Variants in SEMA3A observed in about 807,000 individuals in gnomAD.
The protein encoded by SEMA3A is semaphorin 3A, also known as semaphorin-3A.
A neutral mutation model predicts 97.9 loss-of-function variants in SEMA3A; 29 were observed. That is an observed-to-expected ratio of 0.30 (90% CI 0.22 to 0.40). The LOEUF (loss-of-function observed/expected upper bound fraction) is 0.40, where lower values mean the gene tolerates loss of function less well. Ranked by LOEUF, SEMA3A falls within the 10% of genes least tolerant of loss-of-function variation. The probability of loss-of-function intolerance (pLI) is 1.00; values close to 1 mark genes in which losing one functional copy is unlikely to be tolerated. For synonymous variants in SEMA3A, 321 were observed against 323.7 expected (o/e 0.99, Z 0.09); for missense variants, 763 against 951.3 (o/e 0.80, Z 2.60).
intron 1 of SEMA3A, among the ~76,000 whole-genome samples, chr7:84,150,549 G>T (rs1026881187): frequency 3.3e-5 from 5 of 152,074 alleles, no homozygotes; most frequent in Admixed American, 2.0e-4. Context: ...AAAAAACGGC[G>T]CATCACGAGA....
intron 1 of SEMA3A, among the ~76,000 whole-genome samples, chr7:84,424,278 T>C (rs1386537737): frequency 6.8e-6 from 1 of 146,700 alleles, no homozygotes; most frequent in Non-Finnish European, 1.5e-5. Flanking sequence ...AAAGAAAATG[T>C]TAAATATATA....
chr7:84,186,534 T>C (rs1332326858), intron 1 of SEMA3A, among the ~76,000 whole-genome samples: 1 of 152,152 alleles, frequency 6.6e-6, no homozygotes, highest in African/African-American at 2.4e-5. Context: ...ATTATGAAGA[T>C]TCATAAGCAC....
At chr7:84,099,527 T>C (rs1243264826) in intron 4 of SEMA3A, among the ~76,000 whole-genome samples, 4 of 152,166 alleles carry the variant, frequency 2.6e-5, no homozygotes, top group Non-Finnish European at 5.9e-5. Context: ...GCTTAATGTT[T>C]TATGCACAAC....
intron 2 of SEMA3A, among the ~76,000 whole-genome samples, chr7:84,327,320 A>G (rs1305057403): frequency 1.3e-5 from 2 of 151,794 alleles, no homozygotes; most frequent in Non-Finnish European, 2.9e-5. Flanking sequence ...TCATTGGAAT[A>G]ATCAGGGGGC....
At chr7:84,472,050 A>G (rs567816121) in intron 1 of SEMA3A, among the ~76,000 whole-genome samples, 2 of 152,188 alleles carry the variant, frequency 1.3e-5, no homozygotes, top group South Asian at 4.1e-4. Context: ...AATAAATAGT[A>G]CATATCTCTG....
chr7:84,222,815 G>A (rs997250154), intron 3 of SEMA3A, among the ~76,000 whole-genome samples: 1 of 151,850 alleles, frequency 6.6e-6, no homozygotes, highest in South Asian at 2.1e-4. Context: ...AAGGGCAACG[G>A]TTCTCAAATT....
chr7:84,378,015 A>C, intron 1 of SEMA3A, among the ~76,000 whole-genome samples: 1 of 152,036 alleles, frequency 6.6e-6, no homozygotes, highest in Non-Finnish European at 1.5e-5. Flanking sequence ...TCATCTGATC[A>C]CCTATCTCAA....
Position 84,150,273 on chromosome 7 carries a change from C to T in SEMA3A, c.113-15322G>A, listed in dbSNP as rs559708561. Reference sequence around the variant, plus strand: ...GAACAGGAACAGCTCCAGTCTACAGCTCCCAGCGTGAGCGACGCAGAAGAC... The same window carrying T: ...GAACAGGAACAGCTCCAGTCTACAGTTCCCAGCGTGAGCGACGCAGAAGAC... On this transcript the variant is annotated intron_variant, in intron 1 of 16. Coordinates refer to ENST00000265362, the MANE Select transcript of SEMA3A (RefSeq NM_006080.3). Among the ~76,000 whole-genome samples the T allele has an allele frequency of 3.3e-5, 5 of 152,332 alleles. No homozygotes were observed. In the South Asian group the frequency reaches 1.0e-3, roughly 32 times the overall value.
chr7:84,411,567 T>TTATA (rs60469024), intron 1 of SEMA3A, among the ~76,000 whole-genome samples: 20,290 of 149,092 alleles, frequency 0.14, 1,488 homozygotes, highest in African/African-American at 0.18. Flanking sequence ...TTGGGTATAA[T>TTATA]TATATATATA....
At chr7:84,187,204 T>G (rs1329646464) in intron 1 of SEMA3A, among the ~76,000 whole-genome samples, 1 of 152,164 alleles carries the variant, frequency 6.6e-6, no homozygotes, top group Non-Finnish European at 1.5e-5. Context: ...CCAATTGAAA[T>G]TACTCAAGGA....
At chr7:84,402,042 T>C (rs1420926531) in intron 1 of SEMA3A, among the ~76,000 whole-genome samples, 2 of 152,008 alleles carry the variant, frequency 1.3e-5, no homozygotes, top group African/African-American at 2.4e-5. Flanking sequence ...AAGGAAACAA[T>C]GAAGAAAGTG....
At chr7:84,441,107 G>A (rs1175944647) in intron 1 of SEMA3A, among the ~76,000 whole-genome samples, 1 of 151,894 alleles carries the variant, frequency 6.6e-6, no homozygotes. Context: ...GTGGTGAGCC[G>A]AGATTGCACT....
In SEMA3A at chr7:84,182,583, C is replaced by A. The variant is rs1437427452; in HGVS notation, c.112+11892G>T. Among the ~76,000 whole-genome samples, 5 of 151,650 alleles carry A rather than the reference C, an allele frequency of 3.3e-5. No homozygotes were observed. In the East Asian group the frequency reaches 9.7e-4, roughly 29 times the overall value. On this transcript the variant is annotated intron_variant, in intron 1 of 16. Transcript: ENST00000265362. ...ACTCAGATCCAGAAGAACTAATAAT[C>A]AGGTCTCCTTTCATCCTCACATTAA...
At chr7:84,141,746 C>A (rs1229883823) in intron 1 of SEMA3A, among the ~76,000 whole-genome samples, 1 of 152,042 alleles carries the variant, frequency 6.6e-6, no homozygotes, top group East Asian at 1.9e-4. Context: ...TCCATGTGTT[C>A]TCATCATTTA....
At chr7:84,402,348 G>T (rs970996990) in intron 1 of SEMA3A, among the ~76,000 whole-genome samples, 1 of 152,130 alleles carries the variant, frequency 6.6e-6, no homozygotes, top group Non-Finnish European at 1.5e-5. Context: ...CATAACAACT[G>T]CTGGCAACAG....
intron 1 of SEMA3A, among the ~76,000 whole-genome samples, chr7:84,393,192 G>C (rs1336817961): frequency 6.6e-6 from 1 of 152,116 alleles, no homozygotes; most frequent in Non-Finnish European, 1.5e-5. Context: ...TTATGTTTAA[G>C]TATTTAATCA....
intron 1 of SEMA3A, among the ~76,000 whole-genome samples, chr7:84,187,224 C>A (rs1008103793): frequency 2.0e-5 from 3 of 152,214 alleles, no homozygotes; most frequent in African/African-American, 7.2e-5. Flanking sequence ...ATTACACTTA[C>A]AACTTCATTT....
In SEMA3A at chr7:84,156,833, A is replaced by T. The variant is rs186299985; in HGVS notation, c.113-21882T>A. ...CAGGAACATTTCAATTTCTTTTGTTAAAGGAACTCTGTATAACATTATCAA... is the reference window on the plus strand; with the variant it reads ...CAGGAACATTTCAATTTCTTTTGTTTAAGGAACTCTGTATAACATTATCAA... On this transcript the variant is annotated intron_variant, in intron 1 of 16. Coordinates refer to ENST00000265362, the MANE Select transcript of SEMA3A (RefSeq NM_006080.3). 7.9e-5 allele frequency among the ~76,000 whole-genome samples: 12 copies of T among 152,254 alleles called. No homozygotes were observed. In the East Asian group the frequency reaches 2.3e-3, roughly 29 times the overall value.
intron 12 of SEMA3A, among the ~76,000 whole-genome samples, chr7:83,995,088 A>G (rs1043439026): frequency 4.6e-5 from 7 of 152,084 alleles, no homozygotes; most frequent in Non-Finnish European, 5.9e-5. Flanking sequence ...TCCAGGTGCC[A>G]TCCGTCACCC....
Sources: allele counts gnomAD v4.1 joint callset (sites outside exome capture counted in the v4.1 genomes callset), GRCh38; gene constraint gnomAD v4.1.1; transcripts MANE v1.5; gene names NCBI Gene and HGNC (gene_info 2026-07-23, HGNC 2026-07-21).